Variants in CERS6 observed in about 807,000 individuals in gnomAD.
The protein encoded by CERS6 is ceramide synthase 6.
In CERS6, 26 loss-of-function variants were observed where a neutral mutation model predicts 56.8. The observed-to-expected ratio is 0.46, with a 90% CI of 0.34 to 0.63. The LOEUF (loss-of-function observed/expected upper bound fraction) is 0.63, where lower values mean the gene tolerates loss of function less well. Ranked by LOEUF, CERS6 falls within the 30% of genes least tolerant of loss-of-function variation. CERS6 has a pLI of 0.01. For missense variants in CERS6, 415 were observed against 467.5 expected, an observed-to-expected ratio of 0.89 and a Z score of 1.04; for synonymous variants, 164 against 173.3, an observed-to-expected ratio of 0.95 and a Z score of 0.42.
chr2:168,664,592 G>C (rs1304641810), intron 4 of CERS6, among the ~76,000 whole-genome samples: 1 of 152,122 alleles, frequency 6.6e-6, no homozygotes, highest in African/African-American at 2.4e-5. Context: ...GCTAAACAAG[G>C]GGTGGATTAT....
At chr2:168,534,661 G>T (rs1695227968) in intron 1 of CERS6, among the ~76,000 whole-genome samples, 1 of 152,286 alleles carries the variant, frequency 6.6e-6, no homozygotes, top group South Asian at 2.1e-4. Context: ...GATCACTCCT[G>T]TATAGGGTTC....
intron 1 of CERS6, among the ~76,000 whole-genome samples, chr2:168,477,583 C>G (rs140306767): frequency 1.3e-5 from 2 of 152,314 alleles, no homozygotes; most frequent in African/African-American, 4.8e-5. Flanking sequence ...CATTTCCAAT[C>G]ATATGCTATT....
chr2:168,591,537 T>C (rs1683670659), intron 3 of CERS6, among the ~76,000 whole-genome samples: 2 of 152,240 alleles, frequency 1.3e-5, no homozygotes, highest in Admixed American at 6.5e-5. Context: ...GTTTTAACAT[T>C]AGACTTAATC....
At chr2:168,593,641 T>G (rs1183568688) in intron 3 of CERS6, among the ~76,000 whole-genome samples, 1 of 152,236 alleles carries the variant, frequency 6.6e-6, no homozygotes, top group Non-Finnish European at 1.5e-5. Flanking sequence ...ATAAGCCGTT[T>G]AACTGTGAAG....
chr2:168,568,549 T>A (rs879681694), intron 3 of CERS6, among the ~76,000 whole-genome samples: 52 of 148,656 alleles, frequency 3.5e-4, no homozygotes, highest in Admixed American at 2.6e-3. Context: ...CAGAAATACA[T>A]CCTTTATCAT....
intron 3 of CERS6, among the ~76,000 whole-genome samples, chr2:168,625,417 G>T (rs78343194): frequency 2.0e-4 from 31 of 151,992 alleles, no homozygotes. Flanking sequence ...TAAATTATTC[G>T]ATCTATTGTG....
chr2:168,478,341 G>C (rs929883959), intron 1 of CERS6, among the ~76,000 whole-genome samples: 1 of 152,094 alleles, frequency 6.6e-6, no homozygotes, highest in Admixed American at 6.6e-5. Context: ...CTCTCTGCTG[G>C]GGCTGGGGAG....
At chr2:168,764,393 C>T (rs535281952) in intron 8 of CERS6, among the ~76,000 whole-genome samples, 3 of 152,234 alleles carry the variant, frequency 2.0e-5, no homozygotes, top group South Asian at 2.1e-4. Context: ...CCGCCCACCT[C>T]GGCCTCCCAA....
At chr2:168,693,105 T>C (rs956754958) in intron 5 of CERS6, among the ~76,000 whole-genome samples, 1 of 152,150 alleles carries the variant, frequency 6.6e-6, no homozygotes, top group Non-Finnish European at 1.5e-5. Flanking sequence ...TTGCATTCAG[T>C]TGAACCTTGT....
chr2:168,484,704 T>C (rs897737909), intron 1 of CERS6, among the ~76,000 whole-genome samples: 3 of 152,076 alleles, frequency 2.0e-5, no homozygotes, highest in Non-Finnish European at 2.9e-5. Context: ...TGGGTTTTTT[T>C]CCCTTCAGAT....
intron 8 of CERS6, among the ~76,000 whole-genome samples, chr2:168,743,877 C>T (rs13009213): frequency 0.43 from 64,397 of 151,320 alleles, 16,291 homozygotes; most frequent in Admixed American, 0.56. Context: ...AATATTTTTA[C>T]ATTTGAATAG....
At chr2:168,588,100 T>G (rs1206557644) in intron 3 of CERS6, among the ~76,000 whole-genome samples, 1 of 128,414 alleles carries the variant, frequency 7.8e-6, no homozygotes. Context: ...TTTTTTTTGG[T>G]AGAGATGGGA....
At chr2:168,721,551 T>TA (rs1687366374) in intron 8 of CERS6, among the ~76,000 whole-genome samples, 1 of 33,790 alleles carries the variant, frequency 3.0e-5, no homozygotes, top group Non-Finnish European at 1.3e-4. Context: ...AGTTTTTGTT[T>TA]TTGTTTTTTT....
intron 6 of CERS6, among the ~76,000 whole-genome samples, chr2:168,695,252 C>T (rs1275646826): frequency 6.6e-6 from 1 of 152,084 alleles, no homozygotes; most frequent in Non-Finnish European, 1.5e-5. Context: ...CGCTCATCCC[C>T]TAAAACTCAG....
chr2:168,615,718 T>C (rs1241556605), intron 3 of CERS6, among the ~76,000 whole-genome samples: 2 of 152,130 alleles, frequency 1.3e-5, no homozygotes, highest in African/African-American at 4.8e-5. Flanking sequence ...AAATCTGGGA[T>C]TACATTAAAT....
At position 168,725,999 on chromosome 2, in the gene CERS6, G is replaced by T. The variant is rs1042567206; in HGVS notation, c.845+8021G>T. Among the ~76,000 whole-genome samples, 3 of 152,040 alleles carry T rather than the reference G, an allele frequency of 2.0e-5. No individual in the cohort carries two copies. In the East Asian group the frequency reaches 5.8e-4, roughly 29 times the overall value. On this transcript the variant is annotated intron_variant, in intron 8 of 9. Coordinates refer to ENST00000305747, the MANE Select transcript of CERS6 (RefSeq NM_203463.3). Reference sequence around the variant, plus strand: ...TAGTCCACTTATGTGTAATCTCTACGTTCCTAACAATTTCCCGTAAAAGCT... The same window carrying T: ...TAGTCCACTTATGTGTAATCTCTACTTTCCTAACAATTTCCCGTAAAAGCT...
At chr2:168,501,267 C>G (rs922327152) in intron 1 of CERS6, among the ~76,000 whole-genome samples, 1 of 152,192 alleles carries the variant, frequency 6.6e-6, no homozygotes, top group African/African-American at 2.4e-5. Context: ...TATGTTTACC[C>G]AGGAGTCAAC....
At chr2:168,603,047 C>A (rs1490153427) in intron 3 of CERS6, among the ~76,000 whole-genome samples, 1 of 152,224 alleles carries the variant, frequency 6.6e-6, no homozygotes, top group Non-Finnish European at 1.5e-5. Context: ...TAACAATGAT[C>A]TTTCATTCCA....
chr2:168,760,770 T>TTTATTTA (rs1559083940), intron 8 of CERS6, among the ~76,000 whole-genome samples: 7 of 135,906 alleles, frequency 5.2e-5, no homozygotes, highest in African/African-American at 2.0e-4. Flanking sequence ...TTATTTATTT[T>TTTATTTA]TTTGAGACGG....
Sources: allele counts gnomAD v4.1 joint callset (sites outside exome capture counted in the v4.1 genomes callset), GRCh38; gene constraint gnomAD v4.1.1; transcripts MANE v1.5; gene names NCBI Gene and HGNC (gene_info 2026-07-23, HGNC 2026-07-21).